The following PCSK6 variants were observed in gnomAD, a reference collection of about 807,000 sequenced individuals.
The protein encoded by PCSK6 is paired basic amino acid cleaving enzyme 4.
PCSK6 carries 85 observed loss-of-function variants against 123.3 expected under a neutral mutation model. The observed-to-expected ratio is 0.69, with a 90% CI of 0.58 to 0.83. The LOEUF (loss-of-function observed/expected upper bound fraction) is 0.83. Ranked by LOEUF, PCSK6 falls within the 40% of genes least tolerant of loss-of-function variation. The pLI, the probability that PCSK6 is intolerant of heterozygous loss-of-function variation, is 0.00. For synonymous variants in PCSK6, 508 were observed against 516.0 expected, an observed-to-expected ratio of 0.98 and a Z score of 0.21; for missense variants, 1,191 against 1,282.3, an observed-to-expected ratio of 0.93 and a Z score of 1.09.
intron 17 of PCSK6, among the ~76,000 whole-genome samples, chr15:101,323,964 T>TTAATGTGTTTGAG (rs2040191467): frequency 1.3e-5 from 2 of 152,268 alleles, no homozygotes; most frequent in Admixed American, 1.3e-4. Context: ...CCTGTCAATT[T>TTAATGTGTTTGAG]AACCCAAGCC....
At chr15:101,489,174 C>A (rs2058097065) in intron 1 of PCSK6, among the ~76,000 whole-genome samples, 200 bp downstream of exon 1, 1 of 120,586 alleles carries the variant, frequency 8.3e-6, no homozygotes, top group Non-Finnish European at 1.8e-5. Context: ...CCCACCCCGC[C>A]GAGTGTCCCG....
At chr15:101,386,702 T>C (rs1319277546) in intron 9 of PCSK6, among the ~76,000 whole-genome samples, 2 of 152,252 alleles carry the variant, frequency 1.3e-5, no homozygotes, top group Admixed American at 1.3e-4. Flanking sequence ...ATGTTCCACG[T>C]GTGTACAGAG....
At chr15:101,326,288 C>T (rs1479499720) in intron 16 of PCSK6, 89 bp downstream of exon 16, 12 of 991,154 alleles carry the variant, frequency 1.2e-5, no homozygotes, top group Non-Finnish European at 1.8e-5. Flanking sequence ...ACGTTACTTC[C>T]TAACTGGGGC....
intron 6 of PCSK6, among the ~76,000 whole-genome samples, chr15:101,417,520 T>G (rs1458896289): frequency 6.6e-6 from 1 of 152,192 alleles, no homozygotes; most frequent in African/African-American, 2.4e-5. Flanking sequence ...ATTTTATAAA[T>G]CTCTTCTAAA....
chr15:101,396,635 C>T (rs533545349), intron 7 of PCSK6, among the ~76,000 whole-genome samples: 21 of 151,938 alleles, frequency 1.4e-4, no homozygotes, highest in South Asian at 1.3e-3. Context: ...TTTATGTATT[C>T]GGCAGTTCTT....
intron 1 of PCSK6, among the ~76,000 whole-genome samples, chr15:101,480,211 C>G (rs1322382734): frequency 6.6e-6 from 1 of 152,216 alleles, no homozygotes; most frequent in Non-Finnish European, 1.5e-5. Context: ...AACAAGGACT[C>G]TAGAAGTGAT....
chr15:101,332,595 T>TG (rs1163861182), intron 13 of PCSK6, among the ~76,000 whole-genome samples: 3 of 152,206 alleles, frequency 2.0e-5, no homozygotes, highest in Non-Finnish European at 1.5e-5. Context: ...AGGGATGTTC[T>TG]GGGGGATAGC....
intron 6 of PCSK6, among the ~76,000 whole-genome samples, chr15:101,401,980 G>T (rs2042602041): frequency 6.6e-6 from 1 of 151,960 alleles, no homozygotes; most frequent in Non-Finnish European, 1.5e-5. Context: ...TAAGCCAAAA[G>T]AACAAAGCTG....
At chr15:101,404,468 C>T (rs1305240398) in intron 6 of PCSK6, among the ~76,000 whole-genome samples, 1 of 152,158 alleles carries the variant, frequency 6.6e-6, no homozygotes, top group Non-Finnish European at 1.5e-5. Context: ...CCCAAGTGTC[C>T]AGCTCTCTCA....
intron 20 of PCSK6, among the ~76,000 whole-genome samples, chr15:101,310,539 G>A (rs2039831751): frequency 6.6e-6 from 1 of 152,258 alleles, no homozygotes. Flanking sequence ...ACCATGAAGG[G>A]TTTAACTTCA....
intron 8 of PCSK6, among the ~76,000 whole-genome samples, chr15:101,392,887 G>A (rs2042274745): frequency 6.6e-6 from 1 of 152,194 alleles, no homozygotes; most frequent in Admixed American, 6.5e-5. Flanking sequence ...TCCAAGACAT[G>A]TGACCACAGA....
chr15:101,462,828 T>C (rs778840028), intron 1 of PCSK6, among the ~76,000 whole-genome samples: 1 of 152,220 alleles, frequency 6.6e-6, no homozygotes, highest in African/African-American at 2.4e-5. Flanking sequence ...GTGGGTTGGA[T>C]ATCTTCTGTT....
intron 6 of PCSK6, among the ~76,000 whole-genome samples, chr15:101,406,640 ACAATAGACACGGCTTT>A (rs2042789862): frequency 6.6e-6 from 1 of 151,338 alleles, no homozygotes; most frequent in African/African-American, 2.4e-5. Flanking sequence ...ATCACCTAAG[ACAATAGACACGGCTTT>A]CAAATTGCTA....
At chr15:101,478,956 G>C (rs189706515) in intron 1 of PCSK6, among the ~76,000 whole-genome samples, 17 of 152,328 alleles carry the variant, frequency 1.1e-4, no homozygotes, top group Admixed American at 3.3e-4. Flanking sequence ...TTGGTGAATG[G>C]AATCAGGACA....
intron 9 of PCSK6, among the ~76,000 whole-genome samples, chr15:101,386,451 C>A (rs547282498): frequency 8.1e-4 from 124 of 152,324 alleles, no homozygotes; most frequent in African/African-American, 2.9e-3. Context: ...TACCGCCACA[C>A]CCACCTCCAG....
chr15:101,415,626 G>C (rs979487390), intron 6 of PCSK6, among the ~76,000 whole-genome samples: 1 of 152,140 alleles, frequency 6.6e-6, no homozygotes, highest in African/African-American at 2.4e-5. Context: ...TTCAAACACT[G>C]ATATGGTTTG....
intron 11 of PCSK6, among the ~76,000 whole-genome samples, chr15:101,377,499 T>C (rs775036352): frequency 1.3e-5 from 2 of 152,146 alleles, no homozygotes; most frequent in African/African-American, 2.4e-5. Context: ...CTCCATAAAA[T>C]GAGGATAAAG....
chr15:101,442,508 T>C lies in PCSK6; in HGVS notation c.402+1048A>G, dbSNP rs1163151464. Among the ~76,000 whole-genome samples the C allele has an allele frequency of 2.6e-5, 4 of 152,120 alleles. No individual in the cohort carries two copies. In the East Asian group the frequency reaches 5.8e-4, roughly 22 times the overall value. ...ATAATTCAGGTACAGAGCCCAGAGA[T>C]AACGCGTCTCTCCAACAGATCCCTG... On this transcript the variant is annotated intron_variant, in intron 2 of 21. Transcript: ENST00000611716.
In PCSK6 at chr15:101,489,425, CG is replaced by C; in HGVS notation, c.245del (p.Pro82ArgfsTer39). On this transcript the variant is annotated frameshift_variant, in exon 1 of 22. Coordinates refer to ENST00000611716, the MANE Select transcript of PCSK6 (RefSeq NM_002570.5). LOFTEE classifies it high-confidence loss of function. ...NHWAVQVLGG[P>X]AEADRVAAAH... is the part of the protein sequence containing the mutation. Reference sequence around the variant, plus strand: ...CCGCCGCCACGCGGTCCGCCTCGGCCGGGCCGCCCAGCACTTGCACCGCCCA... The same window carrying C: ...CCGCCGCCACGCGGTCCGCCTCGGCCGGCCGCCCAGCACTTGCACCGCCCA... 2 of 1,279,358 alleles carry C rather than the reference CG, an allele frequency of 1.6e-6. No homozygotes were observed. The highest frequency in any genetic ancestry group is 1.5e-5 in the South Asian group (1 of 66,520). The allele number at this position is 1,279,358 out of a possible 1,614,324, so 79.3% of individuals were successfully genotyped here. A position where few individuals can be genotyped will look rare whatever the true frequency, so the allele number is the denominator to read the frequency against.
Sources: allele counts gnomAD v4.1 joint callset (sites outside exome capture counted in the v4.1 genomes callset), GRCh38; gene constraint gnomAD v4.1.1; transcripts MANE v1.5; gene names NCBI Gene and HGNC (gene_info 2026-07-23, HGNC 2026-07-21).